The following SORBS2 variants were observed in gnomAD, a reference collection of about 807,000 sequenced individuals.
SORBS2 encodes sorbin and SH3 domain-containing protein 2.
SORBS2 carries 46 observed loss-of-function variants against 97.7 expected under a neutral mutation model. The ratio of observed to expected loss-of-function variants is 0.47; its 90% CI spans 0.37 to 0.60. The LOEUF (loss-of-function observed/expected upper bound fraction) is 0.60. SORBS2 is among the 20% of genes least tolerant of loss of function. SORBS2 has a pLI of 0.00. For synonymous variants in SORBS2, 476 were observed against 473.4 expected, an observed-to-expected ratio of 1.01 and a Z score of -0.07; for missense variants, 1,316 against 1,282.3, an observed-to-expected ratio of 1.03 and a Z score of -0.40.
chr4:185,685,353 G>A (rs2097935641), intron 2 of SORBS2, among the ~76,000 whole-genome samples: 1 of 152,084 alleles, frequency 6.6e-6, no homozygotes, highest in Non-Finnish European at 1.5e-5. Flanking sequence ...AATTATTAGT[G>A]ACACAGGTAT....
At chr4:185,817,598 C>A (rs2099194035) in intron 1 of SORBS2, among the ~76,000 whole-genome samples, 1 of 152,170 alleles carries the variant, frequency 6.6e-6, no homozygotes, top group African/African-American at 2.4e-5. Context: ...CAACGTGCCA[C>A]CCTACCCAGT....
chr4:185,677,541 T>G (rs1343933094), intron 4 of SORBS2: 8 of 1,549,514 alleles, frequency 5.2e-6, no homozygotes, highest in Non-Finnish European at 7.0e-6. Flanking sequence ...GGAGGGAATT[T>G]GTGTGTTAGT....
chr4:185,662,796 C>T (rs1232955609), intron 4 of SORBS2, among the ~76,000 whole-genome samples: 2 of 152,122 alleles, frequency 1.3e-5, no homozygotes, highest in Non-Finnish European at 2.9e-5. Context: ...GATCAAATAC[C>T]TGGTAAAGGA....
chr4:185,926,381 T>TG (rs2099263708), intron 1 of SORBS2, among the ~76,000 whole-genome samples: 1 of 151,832 alleles, frequency 6.6e-6, no homozygotes, highest in Non-Finnish European at 1.5e-5. Flanking sequence ...CTACAGACTA[T>TG]GGGGCTGTAT....
intron 4 of SORBS2, among the ~76,000 whole-genome samples, chr4:185,669,818 C>T (rs2153484810): frequency 6.6e-6 from 1 of 152,234 alleles, no homozygotes; most frequent in Non-Finnish European, 1.5e-5. Context: ...TTTTCAAAAT[C>T]TACATTTTTG....
intron 2 of SORBS2, among the ~76,000 whole-genome samples, chr4:185,728,925 T>C (rs751711546): frequency 3.3e-5 from 5 of 152,190 alleles, no homozygotes; most frequent in Non-Finnish European, 2.9e-5. Flanking sequence ...GCCAAATGCA[T>C]GTTTTCTGAG....
chr4:185,705,383 TAAAAATACAA>T (rs1281560351), intron 2 of SORBS2, among the ~76,000 whole-genome samples: 1 of 152,028 alleles, frequency 6.6e-6, no homozygotes, highest in Non-Finnish European at 1.5e-5. Flanking sequence ...CCGTCTCTAC[TAAAAATACAA>T]AAATTAGCTG....
At chr4:185,751,448 A>G (rs567164978) in intron 2 of SORBS2, among the ~76,000 whole-genome samples, 65 of 152,232 alleles carry the variant, frequency 4.3e-4, no homozygotes, top group Admixed American at 2.2e-3. Context: ...CATTTTGCTA[A>G]ATTAGGTGAA....
At chr4:185,924,218 A>G (rs936065135) in intron 1 of SORBS2, among the ~76,000 whole-genome samples, 42 of 152,170 alleles carry the variant, frequency 2.8e-4, no homozygotes, top group African/African-American at 9.6e-4. Context: ...AAGAGACACA[A>G]TTTACAAGAA....
Position 185,690,548 on chromosome 4 carries a change from AACAG to A in SORBS2, c.-197-11730_-197-11727del. ...AGCAAGGCTAAAAGAGTTTAAAACTAACAGACAGCATACCTGTGTTCATTTTCAC... is the reference window on the plus strand; with the variant it reads ...AGCAAGGCTAAAAGAGTTTAAAACTAACAGCATACCTGTGTTCATTTTCAC... On this transcript the variant is annotated intron_variant, in intron 2 of 20. Transcript: ENST00000284776. 6.6e-7 allele frequency: 1 copy of A among 1,511,120 alleles called. No homozygotes were observed. The highest frequency in any genetic ancestry group is 2.5e-5 in the East Asian group (1 of 40,424). 93.6% of individuals were successfully genotyped at this position (1,511,120 alleles called of 1,614,324 possible). A position where few individuals can be genotyped will look rare whatever the true frequency, so the allele number is the denominator to read the frequency against.
chr4:185,632,778 T>C (rs897054334), intron 4 of SORBS2, among the ~76,000 whole-genome samples: 13 of 152,210 alleles, frequency 8.5e-5, no homozygotes, highest in Non-Finnish European at 1.0e-4. Flanking sequence ...TAAGAACTGA[T>C]TGTGTTTTAG....
chr4:185,634,611 C>T (rs1338470848), intron 4 of SORBS2, among the ~76,000 whole-genome samples: 2 of 152,048 alleles, frequency 1.3e-5, no homozygotes, highest in Admixed American at 1.3e-4. Context: ...GACTCTGAAT[C>T]ATTTCTGCCT....
At chr4:185,806,306 A>G (rs897425868) in intron 1 of SORBS2, among the ~76,000 whole-genome samples, 1 of 152,208 alleles carries the variant, frequency 6.6e-6, no homozygotes. Flanking sequence ...ATTTTCTCCA[A>G]CATAGCCAAA....
chr4:185,940,564 T>A (rs749870977), intron 1 of SORBS2, among the ~76,000 whole-genome samples: 1 of 152,164 alleles, frequency 6.6e-6, no homozygotes, highest in African/African-American at 2.4e-5. Context: ...TAATATCCTC[T>A]AATAGCTTCT....
intron 1 of SORBS2, among the ~76,000 whole-genome samples, chr4:185,835,441 C>T (rs1257622396): frequency 6.6e-6 from 1 of 152,040 alleles, no homozygotes; most frequent in South Asian, 2.1e-4. Context: ...TGGAATGAAA[C>T]CATATTATCT....
At chr4:185,864,789 G>A (rs149942255) in intron 1 of SORBS2, among the ~76,000 whole-genome samples, 43 of 151,954 alleles carry the variant, frequency 2.8e-4, no homozygotes, top group African/African-American at 9.7e-4. Flanking sequence ...TCAGGTGCCC[G>A]TAATAACAAC....
chr4:185,789,549 C>A (rs2099071191), intron 1 of SORBS2, among the ~76,000 whole-genome samples: 1 of 149,764 alleles, frequency 6.7e-6, no homozygotes, highest in Admixed American at 6.7e-5. Flanking sequence ...TATATATAAT[C>A]AAGAAATTAA....
intron 1 of SORBS2, among the ~76,000 whole-genome samples, chr4:185,902,924 C>T (rs1286947751): frequency 6.6e-6 from 1 of 152,184 alleles, no homozygotes; most frequent in Non-Finnish European, 1.5e-5. Flanking sequence ...GTCATAATCG[C>T]TGAGTTGGAA....
At chr4:185,669,820 A>G (rs984334654) in intron 4 of SORBS2, among the ~76,000 whole-genome samples, 62 of 152,332 alleles carry the variant, frequency 4.1e-4, no homozygotes, top group African/African-American at 1.4e-3. Flanking sequence ...TTCAAAATCT[A>G]CATTTTTGCT....
Sources: allele counts gnomAD v4.1 joint callset (sites outside exome capture counted in the v4.1 genomes callset), GRCh38; gene constraint gnomAD v4.1.1; transcripts MANE v1.5; gene names NCBI Gene and HGNC (gene_info 2026-07-23, HGNC 2026-07-21).